RBM23: variants seen among roughly 807,000 people sequenced by gnomAD.
The protein encoded by RBM23 is probable RNA-binding protein 23.
Under a neutral mutation model 56.2 loss-of-function variants are expected in RBM23, and 53 were observed. The ratio of observed to expected loss-of-function variants is 0.94; its 90% CI spans 0.76 to 1.19. The LOEUF (loss-of-function observed/expected upper bound fraction) is 1.19. Among genes scored for constraint, RBM23 ranks in the 50% most tolerant of loss-of-function variants. The pLI, the probability that RBM23 is intolerant of heterozygous loss-of-function variation, is 0.00. For synonymous variants in RBM23, 197 were observed against 198.5 expected (o/e 0.99, Z 0.06); for missense variants, 642 against 590.3 (o/e 1.09, Z -0.91).
Position 22,901,990 on chromosome 14 carries a change from T to C in RBM23, c.1236A>G (p.Ala412=). ...CATGTCCAAGACTACCAGTCAGAGC[T>C]GCTGGATTCAGGGCCCCCAAGGGAA... ...GAVPLGALNP[A]ALTALSPALN... Residue 412 remains alanine (A), a synonymous_variant, in exon 12 of 14, where the codon GCA becomes GCG. Transcript: ENST00000359890. The C allele has an allele frequency of 6.2e-7, 1 of 1,612,002 alleles. No individual in the cohort carries two copies. Among genetic ancestry groups the C allele is most frequent in the East Asian group, 2.2e-5 (1 of 44,830 alleles).
Position 22,896,042 on chromosome 14 carries a change from A to T in RBM23, c.*5688T>A, listed in dbSNP as rs1377525866. ...GGAACAATTTATTTATTTAAAAATG[A>T]AGATTTATTTTCACCATTGCACTGC... On this transcript the variant is annotated 3_prime_UTR_variant, in exon 14 of 14. Coordinates refer to ENST00000359890, the MANE Select transcript of RBM23 (RefSeq NM_001077351.2). The T allele has an allele frequency of 6.6e-6, 1 of 152,188 alleles. No individual in the cohort carries two copies. Among genetic ancestry groups the T allele is most frequent in the Non-Finnish European group, 1.5e-5 (1 of 68,042 alleles). 9.4% of individuals were successfully genotyped at this position (152,188 alleles called of 1,614,324 possible). A position where few individuals can be genotyped will look rare whatever the true frequency, so the allele number is the denominator to read the frequency against.
rs767473071 is a variant in RBM23 at position 22,906,354 on chromosome 14, CG to C, written c.241del (p.Arg81GlyfsTer78). On this transcript the variant is annotated frameshift_variant, in exon 5 of 14. Transcript: ENST00000359890. LOFTEE classifies it high-confidence loss of function. The stretch of plus-strand genomic sequence containing the variant: ...ACTATTTCTCCGTCTATACCGATCC[CG>C]ATCTCGACTACGACTACAGAGGGAA... ...RDRKRSRSRDRDRYRRRNSRS... is the reference protein window; with the variant it reads ...RDRKRSRSRDXDRYRRRNSRS... 1 of 1,614,154 alleles carries C rather than the reference CG, an allele frequency of 6.2e-7. No homozygotes were observed. The highest frequency in any genetic ancestry group is 1.1e-5 in the South Asian group (1 of 91,074).
intron 1 of RBM23, among the ~76,000 whole-genome samples, chr14:22,918,019 A>G (rs898864567): frequency 2.0e-5 from 3 of 152,144 alleles, no homozygotes; most frequent in Admixed American, 1.3e-4. Flanking sequence ...TACAAACTGA[A>G]GGCAGCTTAA....
At chr14:22,902,496 C>T in intron 10 of RBM23, 114 bp from the exon 11 acceptor site, 1 of 1,435,488 alleles carries the variant, frequency 7.0e-7, no homozygotes, top group South Asian at 1.6e-5. Flanking sequence ...CACTGAGGTA[C>T]AAACTTTTCT....
At chr14:22,904,794 C>T (rs200022581) in intron 9 of RBM23, 81 bp downstream of exon 9, 2 of 1,580,176 alleles carry the variant, frequency 1.3e-6, no homozygotes, top group East Asian at 4.5e-5. Flanking sequence ...CACGGCCAGG[C>T]ACAACAGAGA....
intron 5 of RBM23, 101 bp from the exon 6 acceptor site, chr14:22,905,760 GTTTTT>G: frequency 1.1e-6 from 1 of 934,308 alleles, no homozygotes; most frequent in Admixed American, 2.3e-5. Context: ...TCATCTCATT[GTTTTT>G]TTAAGACAGG....
intron 1 of RBM23, 35 bp from the exon 2 acceptor site, chr14:22,911,438 T>A: frequency 6.4e-7 from 1 of 1,561,076 alleles, no homozygotes; most frequent in South Asian, 1.1e-5. Context: ...AGAATCTGTT[T>A]TATATTTTTC....
chr14:22,916,517 C>T (rs1001960469), intron 1 of RBM23, among the ~76,000 whole-genome samples: 2 of 151,234 alleles, frequency 1.3e-5, no homozygotes, highest in African/African-American at 4.9e-5. Context: ...CTCAACAGAT[C>T]CACCCACCTT....
rs932105961 is a variant in RBM23 at position 22,908,398 on chromosome 14, T to C, written c.180-18A>G. The C allele has an allele frequency of 1.3e-6, 2 of 1,542,398 alleles. No homozygotes were observed. The highest frequency in any genetic ancestry group is 1.2e-5 in the South Asian group (1 of 83,326). On this transcript the variant is annotated intron_variant, in intron 3 of 13. Coordinates refer to ENST00000359890, the MANE Select transcript of RBM23 (RefSeq NM_001077351.2). ...TCTTCTTCCTGTGAAAGAGAGTACA[T>C]TCTTCTTTTTTTTTTTTTAATTTTG... is the stretch of plus-strand genomic sequence containing the variant.
Position 22,905,333 on chromosome 14 carries a change from T to A in RBM23, c.573+3A>T. On this transcript the variant is annotated splice_donor_region_variant and intron_variant, in intron 7 of 13. Transcript: ENST00000359890. Reference sequence around the variant, plus strand: ...CAGAAGAAAACTAAGGTGGGAGGGTTACCTTGCCTACAGCAGAGAAAAAGT... The same window carrying A: ...CAGAAGAAAACTAAGGTGGGAGGGTAACCTTGCCTACAGCAGAGAAAAAGT... 1 of 1,614,086 alleles carries A rather than the reference T, an allele frequency of 6.2e-7. No individual in the cohort carries two copies.
At position 22,904,923 on chromosome 14, in the gene RBM23, G is replaced by C; in HGVS notation, c.816C>G (p.Phe272Leu). ...CCCGGAGCATGTCTTCAGTGATATTGAAGTGCAGGGAACCCACATAGAGGC... is the reference window on the plus strand; with the variant it reads ...CCCGGAGCATGTCTTCAGTGATATTCAAGTGCAGGGAACCCACATAGAGGC... Reference protein sequence around the residue: ...PMRLYVGSLHFNITEDMLRGI... With the variant: ...PMRLYVGSLHLNITEDMLRGI... The change falls in exon 9 of 14, where the codon TTC becomes TTG. Residue 272 changes from phenylalanine to leucine, a missense_variant. Phe to Leu is a conservative substitution (Grantham distance 22). Transcript: ENST00000359890. 1 of 1,614,144 alleles carries C rather than the reference G, an allele frequency of 6.2e-7. No individual in the cohort carries two copies.
At chr14:22,902,584 A>G (rs2040755141) in intron 10 of RBM23, 2 of 1,293,474 alleles carry the variant, frequency 1.5e-6, no homozygotes, top group African/African-American at 1.5e-5. Flanking sequence ...ACTCAATGGC[A>G]GTCACTTTTC....
At chr14:22,906,018 G>T in intron 5 of RBM23, 177 bp downstream of exon 5, 1 of 724,856 alleles carries the variant, frequency 1.4e-6, no homozygotes, top group Non-Finnish European at 2.2e-6. Flanking sequence ...CCAAAGTGCT[G>T]GGATTACAGG....
At chr14:22,915,726 C>A (rs1467165669) in intron 1 of RBM23, among the ~76,000 whole-genome samples, 2 of 152,146 alleles carry the variant, frequency 1.3e-5, no homozygotes, top group Non-Finnish European at 2.9e-5. Context: ...AAACTCCTGA[C>A]CTCAGGTAAT....
At chr14:22,913,183 G>A (rs566685428) in intron 1 of RBM23, among the ~76,000 whole-genome samples, 5 of 151,704 alleles carry the variant, frequency 3.3e-5, no homozygotes, top group African/African-American at 1.2e-4. Context: ...GGGAGGCCGA[G>A]GCGGGCGGAT....
At chr14:22,915,897 G>A (rs948455307) in intron 1 of RBM23, among the ~76,000 whole-genome samples, 1 of 152,144 alleles carries the variant, frequency 6.6e-6, no homozygotes. Context: ...TAAAACTAAC[G>A]TTTTTTGAAC....
chr14:22,906,083 T>G lies in RBM23; in HGVS notation c.401+112A>C. 2 of 1,264,474 alleles carry G rather than the reference T, an allele frequency of 1.6e-6. 1 individual carries two copies. Among genetic ancestry groups the G allele is most frequent in the South Asian group, 2.9e-5 (2 of 69,172 alleles). 78.3% of individuals were successfully genotyped at this position (1,264,474 alleles called of 1,614,324 possible). On this transcript the variant is annotated intron_variant, in intron 5 of 13. Coordinates refer to ENST00000359890, the MANE Select transcript of RBM23 (RefSeq NM_001077351.2). ...TACCAACCCTTTCTGTGCCTGAGTA[T>G]CCTGCCAATCACAATGTGTTATAAT...
intron 1 of RBM23, among the ~76,000 whole-genome samples, chr14:22,918,445 C>T (rs1407622361): frequency 1.3e-5 from 2 of 151,962 alleles, no homozygotes; most frequent in Admixed American, 1.3e-4. Context: ...ACAATCTCTG[C>T]GGGAGCCAGT....
In RBM23 at chr14:22,912,483, T is replaced by G. The variant is rs865876461; in HGVS notation, c.-10-1080A>C. ...TCCCCAAGCTTTCACATCTAGAAAC[T>G]GCCTCTCCCCAGGCTGTCTACCACC... On this transcript the variant is annotated intron_variant, in intron 1 of 13. Transcript: ENST00000359890. 2.0e-5 allele frequency among the ~76,000 whole-genome samples: 3 copies of G among 152,214 alleles called. 1 individual carries two copies. The South Asian group carries it at 6.2e-4, about 32-fold the overall frequency.
Sources: gnomAD v4.1 joint callset for allele counts (sites outside exome capture counted in the v4.1 genomes callset) on GRCh38, gnomAD v4.1.1 for gene constraint, MANE v1.5 for transcripts, NCBI Gene and HGNC (gene_info 2026-07-23, HGNC 2026-07-21) for gene names.